PARD3B: variants seen among roughly 807,000 people sequenced by gnomAD.
PARD3B encodes the protein partitioning defective 3 homolog B.
In PARD3B, 103 loss-of-function variants were observed where a neutral mutation model predicts 130.2. That is an observed-to-expected ratio of 0.79 (90% CI 0.67 to 0.93). The LOEUF (loss-of-function observed/expected upper bound fraction) is 0.93, where lower values mean the gene tolerates loss of function less well. PARD3B is among the 40% of genes least tolerant of loss of function. The pLI, the probability that PARD3B is intolerant of heterozygous loss-of-function variation, is 0.00. For missense variants in PARD3B, 1,609 were observed against 1,499.2 expected (o/e 1.07, Z -1.21); for synonymous variants, 583 against 553.2 (o/e 1.05, Z -0.76).
intron 2 of PARD3B, among the ~76,000 whole-genome samples, chr2:204,895,758 C>A (rs989735783): frequency 7.9e-5 from 12 of 152,122 alleles, no homozygotes; most frequent in African/African-American, 2.9e-4. Context: ...TTTACACTCA[C>A]TTTTCCTGAG....
intron 1 of PARD3B, among the ~76,000 whole-genome samples, chr2:204,637,957 T>C (rs1461324899): frequency 1.3e-5 from 2 of 152,076 alleles, no homozygotes; most frequent in Non-Finnish European, 2.9e-5. Context: ...GATGGCAAAG[T>C]CGTTCTGAGA....
rs547599576 is a variant in PARD3B at position 205,283,464 on chromosome 2, A to G, written c.2186-17066A>G. Among the ~76,000 whole-genome samples, 16 of 152,188 alleles carry G rather than the reference A, an allele frequency of 1.1e-4. No individual in the cohort carries two copies. In the South Asian group the frequency reaches 2.5e-3, roughly 24 times the overall value. On this transcript the variant is annotated intron_variant, in intron 16 of 22. Coordinates refer to ENST00000406610, the MANE Select transcript of PARD3B (RefSeq NM_001302769.2). ...CATGCCTGGCTAATTTGTTTTTATT[A>G]TTTTGTATAGACAGAGTCTCACTTT...
Position 205,290,961 on chromosome 2 carries a change from C to G in PARD3B, c.2186-9569C>G, listed in dbSNP as rs1437214719. ...TGCCTGTGCCTTGATCTTGCACTTC[C>G]CAGCCTCCAGAACAGTGGAGAAATA... On this transcript the variant is annotated intron_variant, in intron 16 of 22. Transcript: ENST00000406610. Among the ~76,000 whole-genome samples the G allele has an allele frequency of 5.9e-5, 9 of 152,196 alleles. No homozygotes were observed. In the East Asian group the frequency reaches 1.7e-3, roughly 29 times the overall value.
At chr2:205,586,276 C>T (rs2054193638) in intron 22 of PARD3B, among the ~76,000 whole-genome samples, 1 of 152,198 alleles carries the variant, frequency 6.6e-6, no homozygotes, top group Admixed American at 6.5e-5. Context: ...AGTCAGAAAA[C>T]ACATATTGAT....
At chr2:204,980,225 A>T (rs1047377607) in intron 3 of PARD3B, among the ~76,000 whole-genome samples, 1 of 152,216 alleles carries the variant, frequency 6.6e-6, no homozygotes, top group Non-Finnish European at 1.5e-5. Context: ...AACTTCATCA[A>T]TCGTGACAGA....
intron 1 of PARD3B, among the ~76,000 whole-genome samples, chr2:204,621,220 G>A (rs2034290971): frequency 6.6e-6 from 1 of 152,084 alleles, no homozygotes; most frequent in Non-Finnish European, 1.5e-5. Context: ...CTGTAGGAAG[G>A]TATTAACTGT....
chr2:204,849,787 T>C (rs1451207828), intron 2 of PARD3B, among the ~76,000 whole-genome samples: 3 of 152,316 alleles, frequency 2.0e-5, no homozygotes, highest in Admixed American at 1.3e-4. Flanking sequence ...CTAGAGCTTA[T>C]GTTTAAATTA....
chr2:204,828,756 A>C (rs541064252), intron 2 of PARD3B, among the ~76,000 whole-genome samples: 3 of 152,170 alleles, frequency 2.0e-5, no homozygotes, highest in Admixed American at 1.3e-4. Context: ...TCTCTTTTGC[A>C]TAGTATGACC....
At chr2:204,638,896 C>A (rs2034980388) in intron 1 of PARD3B, among the ~76,000 whole-genome samples, 1 of 152,130 alleles carries the variant, frequency 6.6e-6, no homozygotes, top group African/African-American at 2.4e-5. Context: ...GTTTCTTAGG[C>A]CTTTAGATTC....
In PARD3B at chr2:205,091,319, C is replaced by A. The variant is rs1702090788; in HGVS notation, c.505-13107C>A. ...AATAATTCATAATTTTGCCGTGGCA[C>A]AAACTGCATCATTTACACTGGGAGG... On this transcript the variant is annotated intron_variant, in intron 4 of 22. Coordinates refer to ENST00000406610, the MANE Select transcript of PARD3B (RefSeq NM_001302769.2). The surrounding 1 kb of genome is among the most constrained non-coding windows in gnomAD (Gnocchi z 4.2). Among the ~76,000 whole-genome samples the A allele has an allele frequency of 6.6e-6, 1 of 152,120 alleles. No homozygotes were observed. Among genetic ancestry groups the A allele is most frequent in the South Asian group, 2.1e-4 (1 of 4,824 alleles).
At chr2:204,648,529 T>A (rs1242304227) in intron 1 of PARD3B, among the ~76,000 whole-genome samples, 2 of 141,002 alleles carry the variant, frequency 1.4e-5, no homozygotes, top group Non-Finnish European at 3.0e-5. Flanking sequence ...CAAGCATATA[T>A]TTAGCTTTAA....
intron 5 of PARD3B, among the ~76,000 whole-genome samples, chr2:205,106,418 G>T (rs1449045243): frequency 6.6e-6 from 1 of 151,658 alleles, no homozygotes; most frequent in Non-Finnish European, 1.5e-5. Context: ...CAAAGTGCTG[G>T]GATTACAGGC....
At chr2:204,634,390 G>A (rs963102508) in intron 1 of PARD3B, among the ~76,000 whole-genome samples, 1 of 152,036 alleles carries the variant, frequency 6.6e-6, no homozygotes, top group Non-Finnish European at 1.5e-5. Flanking sequence ...CCATTCATCT[G>A]TTTATGGATA....
Position 204,663,046 on chromosome 2 carries a change from C to T in PARD3B, c.121-23135C>T, listed in dbSNP as rs2035882391. 2.6e-5 allele frequency among the ~76,000 whole-genome samples: 4 copies of T among 152,188 alleles called. No homozygotes were observed. The South Asian group carries it at 8.3e-4, about 32-fold the overall frequency. ...CTACCTTTCCTCCCTTATCCAAACA[C>T]CAAAACTAACCATATAGGTATCTTT... On this transcript the variant is annotated intron_variant, in intron 1 of 22. Coordinates refer to ENST00000406610, the MANE Select transcript of PARD3B (RefSeq NM_001302769.2).
chr2:205,025,885 A>AT (rs1696985609), intron 3 of PARD3B, among the ~76,000 whole-genome samples: 1 of 152,038 alleles, frequency 6.6e-6, no homozygotes, highest in Non-Finnish European at 1.5e-5. Flanking sequence ...TTGTCCATTA[A>AT]TTCTGTGTGT....
At chr2:204,919,831 A>G (rs1420963588) in intron 2 of PARD3B, among the ~76,000 whole-genome samples, 1 of 152,176 alleles carries the variant, frequency 6.6e-6, no homozygotes, top group African/African-American at 2.4e-5. Flanking sequence ...AACACTGTGT[A>G]TATAAGAGGC....
intron 21 of PARD3B, among the ~76,000 whole-genome samples, chr2:205,520,414 GT>G (rs1418216453): frequency 6.6e-6 from 1 of 152,132 alleles, no homozygotes; most frequent in Non-Finnish European, 1.5e-5. Flanking sequence ...AGCAAGGGTG[GT>G]TCCACTGCAG....
At chr2:204,591,402 C>A (rs964989177) in intron 1 of PARD3B, among the ~76,000 whole-genome samples, 1 of 152,170 alleles carries the variant, frequency 6.6e-6, no homozygotes, top group African/African-American at 2.4e-5. Flanking sequence ...ACAGATAATA[C>A]GAAAGAATAC....
chr2:205,343,206 G>C (rs1045218013), intron 18 of PARD3B, among the ~76,000 whole-genome samples: 1 of 152,168 alleles, frequency 6.6e-6, no homozygotes, highest in Non-Finnish European at 1.5e-5. Flanking sequence ...CCCGACTGTA[G>C]GAAAGTGTTC....
Sources: allele counts gnomAD v4.1 joint callset (sites outside exome capture counted in the v4.1 genomes callset), GRCh38; gene constraint gnomAD v4.1.1; non-coding constraint Gnocchi (gnomAD v3.1); transcripts MANE v1.5; gene names NCBI Gene and HGNC (gene_info 2026-07-23, HGNC 2026-07-21).